The following GALNT17 variants were observed in gnomAD, a reference collection of about 807,000 sequenced individuals.
The protein encoded by GALNT17 is UDP-GalNAc:polypeptide N-acetylgalactosaminyltransferase-like 3.
GALNT17 carries 29 observed loss-of-function variants against 63.7 expected under a neutral mutation model. The ratio of observed to expected loss-of-function variants is 0.46; its 90% CI spans 0.34 to 0.62. The LOEUF (loss-of-function observed/expected upper bound fraction) is 0.62. Among genes scored for constraint, GALNT17 ranks in the 20% least tolerant of loss-of-function variants. The probability of loss-of-function intolerance (pLI) is 0.01; values close to 1 mark genes in which losing one functional copy is unlikely to be tolerated. For synonymous variants in GALNT17, 305 were observed against 318.3 expected, an observed-to-expected ratio of 0.96 and a Z score of 0.45; for missense variants, 603 against 799.6, an observed-to-expected ratio of 0.75 and a Z score of 2.97.
At chr7:71,396,019 A>C (rs182099761) in intron 3 of GALNT17, among the ~76,000 whole-genome samples, 1 of 152,076 alleles carries the variant, frequency 6.6e-6, no homozygotes, top group East Asian at 1.9e-4. Context: ...TCTGCAACCA[A>C]TTTTTGCAAA....
rs1184763204 is a variant in GALNT17, at chr7:71,640,720, G to A, written c.1081-24691G>A. Among the ~76,000 whole-genome samples the A allele has an allele frequency of 2.0e-5, 3 of 151,810 alleles. No individual in the cohort carries two copies. In the South Asian group the frequency reaches 6.2e-4, roughly 32 times the overall value. On this transcript the variant is annotated intron_variant, in intron 6 of 10. Coordinates refer to ENST00000333538, the MANE Select transcript of GALNT17 (RefSeq NM_022479.3). Reference sequence around the variant, plus strand: ...AGTCTTTAGTAATCCTGTGCATTTTGTTTAATTTGATGCACTTAAATACAT... The same window carrying A: ...AGTCTTTAGTAATCCTGTGCATTTTATTTAATTTGATGCACTTAAATACAT...
chr7:71,246,739 G>A (rs554818894), intron 1 of GALNT17, among the ~76,000 whole-genome samples: 9 of 151,902 alleles, frequency 5.9e-5, no homozygotes, highest in African/African-American at 1.7e-4. Flanking sequence ...TGAGGCAGGA[G>A]AATGGGGTGA....
chr7:71,480,996 A>T (rs1393165766), intron 5 of GALNT17, among the ~76,000 whole-genome samples: 1 of 152,218 alleles, frequency 6.6e-6, no homozygotes, highest in African/African-American at 2.4e-5. Flanking sequence ...GACCATAATA[A>T]GACAAACAGA....
intron 5 of GALNT17, among the ~76,000 whole-genome samples, chr7:71,508,840 TAG>T (rs1179967994): frequency 6.6e-6 from 1 of 152,100 alleles, no homozygotes; most frequent in East Asian, 1.9e-4. Flanking sequence ...GCAGTTTGCT[TAG>T]AGTCTTTTGC....
intron 4 of GALNT17, among the ~76,000 whole-genome samples, chr7:71,418,799 T>G (rs2116445245): frequency 6.6e-6 from 1 of 152,346 alleles, no homozygotes; most frequent in Non-Finnish European, 1.5e-5. Flanking sequence ...ATCAAAATTC[T>G]CAGCCGCAGA....
At chr7:71,264,399 A>G (rs921102060) in intron 1 of GALNT17, among the ~76,000 whole-genome samples, 1 of 152,092 alleles carries the variant, frequency 6.6e-6, no homozygotes, top group African/African-American at 2.4e-5. Context: ...GAGGGGGTGA[A>G]GACAGTCACG....
At chr7:71,468,203 A>G (rs181725689) in intron 5 of GALNT17, among the ~76,000 whole-genome samples, 1 of 151,326 alleles carries the variant, frequency 6.6e-6, no homozygotes, top group African/African-American at 2.4e-5. Context: ...AGTTTTTAAA[A>G]TTTTCTTGTA....
chr7:71,554,638 A>G (rs1335613841), intron 5 of GALNT17, among the ~76,000 whole-genome samples: 1 of 152,172 alleles, frequency 6.6e-6, no homozygotes, highest in African/African-American at 2.4e-5. Context: ...CACTGCCCAT[A>G]GCACGCTGCA....
chr7:71,565,040 G>A (rs1482161848), intron 5 of GALNT17, among the ~76,000 whole-genome samples: 5 of 152,148 alleles, frequency 3.3e-5, no homozygotes, highest in Non-Finnish European at 5.9e-5. Flanking sequence ...GCTGAAGCAG[G>A]TGAATAACTT....
At chr7:71,235,992 C>A (rs938719680) in intron 1 of GALNT17, among the ~76,000 whole-genome samples, 5 of 152,122 alleles carry the variant, frequency 3.3e-5, no homozygotes, top group African/African-American at 1.2e-4. Flanking sequence ...CCAGGCTAAC[C>A]AACATGGTAG....
At chr7:71,327,933 C>T (rs1419280967) in intron 1 of GALNT17, among the ~76,000 whole-genome samples, 1 of 152,108 alleles carries the variant, frequency 6.6e-6, no homozygotes, top group Admixed American at 6.5e-5. Context: ...ACCTCTCTCT[C>T]TTTCCATCCA....
chr7:71,368,627 A>G (rs866310718), intron 2 of GALNT17, among the ~76,000 whole-genome samples: 4 of 152,270 alleles, frequency 2.6e-5, no homozygotes, highest in Middle Eastern at 6.8e-3. Flanking sequence ...TATGATTTAC[A>G]TATATATTTT....
At chr7:71,496,092 C>T (rs1379186255) in intron 5 of GALNT17, among the ~76,000 whole-genome samples, 1 of 152,198 alleles carries the variant, frequency 6.6e-6, no homozygotes, top group African/African-American at 2.4e-5. Context: ...GTGCTCTTTT[C>T]GTCCTACAGA....
intron 1 of GALNT17, among the ~76,000 whole-genome samples, chr7:71,232,441 G>C (rs1406675442): frequency 6.6e-6 from 1 of 152,068 alleles, no homozygotes; most frequent in Non-Finnish European, 1.5e-5. Flanking sequence ...CAAAGCAGTG[G>C]GGAGTAGGGG....
intron 5 of GALNT17, among the ~76,000 whole-genome samples, chr7:71,538,466 C>T (rs549611947): frequency 1.3e-5 from 2 of 152,272 alleles, no homozygotes; most frequent in East Asian, 3.9e-4. Context: ...CCCGACGGGA[C>T]GCGACAGATT....
intron 6 of GALNT17, among the ~76,000 whole-genome samples, chr7:71,606,328 C>T (rs1041841551): frequency 8.5e-5 from 13 of 152,082 alleles, no homozygotes; most frequent in African/African-American, 3.1e-4. Flanking sequence ...AGTTACTCAC[C>T]CCATTCCGAA....
chr7:71,586,126 C>G (rs10807734), intron 6 of GALNT17, among the ~76,000 whole-genome samples: 2 of 151,544 alleles, frequency 1.3e-5, no homozygotes, highest in Non-Finnish European at 2.9e-5. Flanking sequence ...AGGCTAGTCG[C>G]GAACTCCTGA....
At chr7:71,624,107 T>C (rs1261343961) in intron 6 of GALNT17, among the ~76,000 whole-genome samples, 2 of 152,174 alleles carry the variant, frequency 1.3e-5, no homozygotes, top group East Asian at 3.9e-4. Context: ...ACTCTGTGCT[T>C]ACGGTTGGGG....
intron 5 of GALNT17, among the ~76,000 whole-genome samples, chr7:71,521,231 T>A (rs1788525005): frequency 7.0e-6 from 1 of 143,674 alleles, no homozygotes; most frequent in African/African-American, 2.6e-5. Context: ...ATCCCAAATC[T>A]TTTTTTTTTT....
Sources: gnomAD v4.1 joint callset for allele counts (sites outside exome capture counted in the v4.1 genomes callset) on GRCh38, gnomAD v4.1.1 for gene constraint, MANE v1.5 for transcripts, NCBI Gene and HGNC (gene_info 2026-07-23, HGNC 2026-07-21) for gene names.